The following SCUBE1 variants were observed in gnomAD, a reference collection of about 807,000 sequenced individuals.
SCUBE1 encodes signal peptide, CUB and EGF-like domain-containing protein 1.
A neutral mutation model predicts 124.4 loss-of-function variants in SCUBE1; 59 were observed. The observed-to-expected ratio is 0.47, with a 90% CI of 0.38 to 0.59. The LOEUF is 0.59. Among genes scored for constraint, SCUBE1 ranks in the 20% least tolerant of loss-of-function variants. The pLI, the probability that SCUBE1 is intolerant of heterozygous loss-of-function variation, is 0.00. For missense variants in SCUBE1, 1,150 were observed against 1,371.2 expected (o/e 0.84, Z 2.55); for synonymous variants, 545 against 550.9 (o/e 0.99, Z 0.15).
intron 2 of SCUBE1, among the ~76,000 whole-genome samples, chr22:43,335,759 G>C (rs1159590843): frequency 2.0e-5 from 3 of 151,756 alleles, no homozygotes; most frequent in African/African-American, 7.3e-5. Context: ...TGATGATGAT[G>C]ATGATGGTGA....
At position 43,200,923 on chromosome 22, in the gene SCUBE1, G is replaced by A. The variant is rs137890579; in HGVS notation, c.*3074C>T. 506 of 152,394 alleles carry A rather than the reference G, an allele frequency of 3.3e-3. No individual in the cohort carries two copies. The highest frequency in any genetic ancestry group is 5.1e-3 in the Admixed American group (78 of 15,286). The allele number at this position is 152,394 out of a possible 1,614,324, so 9.4% of individuals were successfully genotyped here. A position where few individuals can be genotyped will look rare whatever the true frequency, so the allele number is the denominator to read the frequency against. ...CGGGCAGTGGATCTGTGAGTACGTG[G>A]GTGGCAACTTTCAGAAATCGCCCAA... is the stretch of plus-strand genomic sequence containing the variant. On this transcript the variant is annotated 3_prime_UTR_variant, in exon 22 of 22. Coordinates refer to ENST00000360835, the MANE Select transcript of SCUBE1 (RefSeq NM_173050.5).
At chr22:43,280,310 C>T (rs186464445) in intron 4 of SCUBE1, among the ~76,000 whole-genome samples, 1 of 152,104 alleles carries the variant, frequency 6.6e-6, no homozygotes, top group African/African-American at 2.4e-5. Flanking sequence ...GGTAACAGGC[C>T]TCGCTGAAGT....
chr22:43,305,238 G>A (rs1925924894), intron 3 of SCUBE1, among the ~76,000 whole-genome samples: 1 of 152,236 alleles, frequency 6.6e-6, no homozygotes, highest in African/African-American at 2.4e-5. Context: ...ATCAGGACAT[G>A]AAAACGCTTG....
intron 6 of SCUBE1, among the ~76,000 whole-genome samples, chr22:43,251,060 A>T (rs543066149): frequency 3.5e-4 from 53 of 152,064 alleles, no homozygotes; most frequent in African/African-American, 1.2e-3. Context: ...TGTGGGGGAG[A>T]CTCACTGGAA....
intron 6 of SCUBE1, among the ~76,000 whole-genome samples, chr22:43,239,750 G>C (rs1020471103): frequency 1.3e-5 from 2 of 152,192 alleles, no homozygotes; most frequent in Non-Finnish European, 2.9e-5. Flanking sequence ...CATCTGGCAG[G>C]CTTTTATCTT....
rs981549190 is a variant in SCUBE1, at chr22:43,258,331, G to C, written c.615C>G (p.Thr205=). The C allele has an allele frequency of 4.3e-6, 7 of 1,611,724 alleles. No individual in the cohort carries two copies. Among genetic ancestry groups the C allele is most frequent in the Non-Finnish European group, 5.9e-6 (7 of 1,177,772 alleles). Residue 205 remains threonine, a synonymous_variant, in exon 6 of 22, where the codon ACC becomes ACG. Coordinates refer to ENST00000360835, the MANE Select transcript of SCUBE1 (RefSeq NM_173050.5). This position sits in a 1 kb window ranked among gnomAD's most constrained non-coding sequence, Gnocchi z 5.0. ...LAQNQKDCTL[T]CNYGNGGCQH... is the part of the protein sequence containing the mutation. ...GGCAGCCTCCGTTTCCATAATTACAGGTTACTAGTTAGGCCCAAAGTGTAC... is the reference window on the plus strand; with the variant it reads ...GGCAGCCTCCGTTTCCATAATTACACGTTACTAGTTAGGCCCAAAGTGTAC...
chr22:43,232,056 T>A, intron 7 of SCUBE1, 181 bp from the exon 8 acceptor site: 3 of 636,178 alleles, frequency 4.7e-6, no homozygotes, highest in Non-Finnish European at 8.4e-6. Context: ...CTCGCAGGGG[T>A]CAGGGTCGGG....
chr22:43,342,247 G>A (rs1250774951), intron 1 of SCUBE1, among the ~76,000 whole-genome samples: 1 of 151,266 alleles, frequency 6.6e-6, no homozygotes, highest in Non-Finnish European at 1.5e-5. Flanking sequence ...AGAGCAGGAG[G>A]GGACCGGGTG....
intron 8 of SCUBE1, among the ~76,000 whole-genome samples, chr22:43,231,015 C>T (rs872860): frequency 6.6e-6 from 1 of 152,162 alleles, no homozygotes; most frequent in East Asian, 1.9e-4. Context: ...AGCCCCTGCC[C>T]TGCTACATGG....
chr22:43,269,069 C>A (rs1331708045), intron 4 of SCUBE1, among the ~76,000 whole-genome samples: 1 of 152,148 alleles, frequency 6.6e-6, no homozygotes, highest in African/African-American at 2.4e-5. Flanking sequence ...CTTGGACCCT[C>A]ACAACAAGCC....
intron 6 of SCUBE1, among the ~76,000 whole-genome samples, chr22:43,241,542 C>T (rs1027091335): frequency 5.3e-5 from 8 of 152,100 alleles, no homozygotes; most frequent in Non-Finnish European, 8.8e-5. Context: ...AAGCACGTGC[C>T]GCTGGACTCT....
intron 4 of SCUBE1, among the ~76,000 whole-genome samples, chr22:43,286,323 A>T (rs2146746149): frequency 6.6e-6 from 1 of 152,370 alleles, no homozygotes; most frequent in Non-Finnish European, 1.5e-5. Context: ...CTGGGCCTGA[A>T]GCCCCGCTGT....
At chr22:43,277,489 G>A (rs982685971) in intron 4 of SCUBE1, among the ~76,000 whole-genome samples, 1 of 152,192 alleles carries the variant, frequency 6.6e-6, no homozygotes, top group Non-Finnish European at 1.5e-5. Context: ...TGTGTCACAG[G>A]GCATCTGGGC....
At chr22:43,287,608 T>C (rs567144837) in intron 4 of SCUBE1, among the ~76,000 whole-genome samples, 33 of 152,298 alleles carry the variant, frequency 2.2e-4, no homozygotes, top group African/African-American at 7.2e-4. Flanking sequence ...ATGCATCTGG[T>C]TCCATCTAAT....
At chr22:43,300,294 G>A (rs1450997725) in intron 3 of SCUBE1, among the ~76,000 whole-genome samples, 5 of 76,846 alleles carry the variant, frequency 6.5e-5, no homozygotes, top group Non-Finnish European at 1.1e-4. Context: ...TTCCTTTCTG[G>A]GCTTTTTTTT....
chr22:43,257,759 C>T (rs544351333), intron 6 of SCUBE1, among the ~76,000 whole-genome samples: 29 of 152,372 alleles, frequency 1.9e-4, no homozygotes, highest in African/African-American at 6.7e-4. Context: ...TTCCAGACGG[C>T]TGTGGGCAGC....
At chr22:43,339,775 AT>A (rs372159048) in intron 1 of SCUBE1, among the ~76,000 whole-genome samples, 376 of 30,348 alleles carry the variant, frequency 0.012, 4 homozygotes, top group African/African-American at 0.032. Flanking sequence ...TCCTCATTCT[AT>A]CCCCCCACAA....
Position 43,210,923 on chromosome 22 carries a change from T to C in SCUBE1, c.2382A>G (p.Lys794=). 6.2e-7 allele frequency: 1 copy of C among 1,613,892 alleles called. No individual in the cohort carries two copies. Among genetic ancestry groups the C allele is most frequent in the Non-Finnish European group, 8.5e-7 (1 of 1,179,932 alleles). Residue 794 remains lysine, a splice_region_variant and synonymous_variant, in exon 18 of 22, where the codon AAA becomes AAG. Transcript: ENST00000360835. The surrounding 1 kb of genome is among the most constrained non-coding windows in gnomAD (Gnocchi z 4.5). ...FDGSTNVTHC[K]NQHCGGELGD... The stretch of plus-strand genomic sequence containing the variant: ...CCACGGCAGAGCAGCAGCACCCACT[T>C]TTGCAGTGTGTGACGTTGGTGGAGC...
chr22:43,267,297 T>G, intron 4 of SCUBE1, among the ~76,000 whole-genome samples: 2 of 150,124 alleles, frequency 1.3e-5, no homozygotes, highest in African/African-American at 2.5e-5. Context: ...GAAGAATGAG[T>G]GGGGAAAGAG....
Sources: gnomAD v4.1 joint callset for allele counts (sites outside exome capture counted in the v4.1 genomes callset) on GRCh38, gnomAD v4.1.1 for gene constraint, Gnocchi (gnomAD v3.1) non-coding constraint, MANE v1.5 for transcripts, NCBI Gene and HGNC (gene_info 2026-07-23, HGNC 2026-07-21) for gene names.